Variants in DDR2 observed in about 807,000 individuals in gnomAD.
DDR2 encodes the protein discoidin domain-containing receptor 2.
DDR2 carries 27 observed loss-of-function variants against 94.9 expected under a neutral mutation model. That is an observed-to-expected ratio of 0.28 (90% CI 0.21 to 0.39). DDR2 has a LOEUF of 0.39. Among genes scored for constraint, DDR2 ranks in the 10% least tolerant of loss-of-function variants. DDR2 has a pLI of 1.00. For missense variants in DDR2, 783 were observed against 1,076.0 expected (o/e 0.73, Z 3.81); for synonymous variants, 382 against 377.2 (o/e 1.01, Z -0.15).
Position 162,780,418 on chromosome 1 carries a change from C to T in DDR2, c.*172C>T, listed in dbSNP as rs1972086. On this transcript the variant is annotated 3_prime_UTR_variant, in exon 18 of 18. Coordinates refer to ENST00000367921, the MANE Select transcript of DDR2 (RefSeq NM_006182.4). Reference sequence around the variant, plus strand: ...CCACTCCCTACCCCTGACTCATATACACTTTTTTTTTTTTTTACATTAAAG... The same window carrying T: ...CCACTCCCTACCCCTGACTCATATATACTTTTTTTTTTTTTTACATTAAAG... 0.99 allele frequency: 803,321 copies of T among 813,266 alleles called. 397,387 individuals are homozygous for T. Among genetic ancestry groups the T allele is most frequent in the East Asian group, 1 (36,454 of 36,454 alleles). The allele number at this position is 813,266 out of a possible 1,614,324, so 50.4% of individuals were successfully genotyped here. A position where few individuals can be genotyped will look rare whatever the true frequency, so the allele number is the denominator to read the frequency against.
At position 162,703,657 on chromosome 1, in the gene DDR2, G is replaced by C. The variant is rs115507991; in HGVS notation, c.-27-15380G>C. ...GGAAGGCACTGTGTTAGGTGTTAGA[G>C]ATAAAGAGAGATACTATCTTCACCT... On this transcript the variant is annotated intron_variant, in intron 2 of 17. Coordinates refer to ENST00000367921, the MANE Select transcript of DDR2 (RefSeq NM_006182.4). Among the ~76,000 whole-genome samples, 585 of 152,326 alleles carry C rather than the reference G, an allele frequency of 3.8e-3. 1 individual carries two copies. Among genetic ancestry groups the C allele is most frequent in the African/African-American group, 0.013 (560 of 41,570 alleles).
chr1:162,683,038 A>AT (rs1321647742), intron 2 of DDR2, among the ~76,000 whole-genome samples: 1 of 152,214 alleles, frequency 6.6e-6, no homozygotes, highest in African/African-American at 2.4e-5. Flanking sequence ...AGAATTACAC[A>AT]TCATATCAAA....
intron 2 of DDR2, among the ~76,000 whole-genome samples, chr1:162,705,445 AT>A (rs750153933): frequency 8.4e-4 from 128 of 152,200 alleles, no homozygotes; most frequent in Non-Finnish European, 1.6e-3. Flanking sequence ...TTGTTTTGTG[AT>A]ATTTAAAGCA....
intron 1 of DDR2, among the ~76,000 whole-genome samples, 186 bp downstream of exon 1, chr1:162,632,817 G>A (rs1333333919): frequency 1.3e-5 from 2 of 152,086 alleles, no homozygotes; most frequent in African/African-American, 4.8e-5. Flanking sequence ...TGTTTTTGGG[G>A]GTCTGGATTT....
chr1:162,710,947 T>C (rs1660881409), intron 2 of DDR2, among the ~76,000 whole-genome samples: 1 of 152,204 alleles, frequency 6.6e-6, no homozygotes, highest in Admixed American at 6.5e-5. Context: ...ATGATTTTCC[T>C]GGAGGGCCAG....
intron 2 of DDR2, among the ~76,000 whole-genome samples, chr1:162,694,328 G>A (rs369445918): frequency 7.9e-5 from 12 of 152,050 alleles, no homozygotes; most frequent in South Asian, 2.1e-4. Flanking sequence ...CGTACACTCC[G>A]TGCTTGAGCC....
intron 7 of DDR2, among the ~76,000 whole-genome samples, chr1:162,757,828 A>G (rs1022791726): frequency 6.6e-6 from 1 of 152,172 alleles, no homozygotes; most frequent in African/African-American, 2.4e-5. Flanking sequence ...GGAATGAGGA[A>G]AAGATATTCA....
In DDR2 at chr1:162,674,428, T is replaced by C. The variant is rs148211123; in HGVS notation, c.-28+19054T>C. ...CTAGCACTTAACACAGACCCAGATA[T>C]ATTTGGTACTCAGTAATATACACTG... On this transcript the variant is annotated intron_variant, in intron 2 of 17. Coordinates refer to ENST00000367921, the MANE Select transcript of DDR2 (RefSeq NM_006182.4). 1.6e-3 allele frequency among the ~76,000 whole-genome samples: 239 copies of C among 152,310 alleles called. 1 individual carries two copies. Among genetic ancestry groups the C allele is most frequent in the African/African-American group, 5.7e-3 (236 of 41,556 alleles).
intron 3 of DDR2, among the ~76,000 whole-genome samples, chr1:162,729,164 G>T (rs1419838520): frequency 6.6e-6 from 1 of 150,776 alleles, no homozygotes; most frequent in South Asian, 2.1e-4. Context: ...GTCCCTTGTG[G>T]TCCCCAAGAC....
At chr1:162,676,689 G>T (rs528837444) in intron 2 of DDR2, among the ~76,000 whole-genome samples, 1 of 152,196 alleles carries the variant, frequency 6.6e-6, no homozygotes, top group East Asian at 1.9e-4. Flanking sequence ...AATACTTTGG[G>T]GGAGCCAGTG....
chr1:162,651,436 C>T (rs1374155984), intron 1 of DDR2, among the ~76,000 whole-genome samples: 1 of 152,204 alleles, frequency 6.6e-6, no homozygotes, highest in Non-Finnish European at 1.5e-5. Context: ...CAAGAGTCAG[C>T]TCAAATAATG....
At chr1:162,748,453 A>T (rs1275130478) in intron 3 of DDR2, among the ~76,000 whole-genome samples, 3 of 152,254 alleles carry the variant, frequency 2.0e-5, no homozygotes, top group Non-Finnish European at 4.4e-5. Context: ...AGAGCTAACT[A>T]TCCTAAATAT....
intron 3 of DDR2, among the ~76,000 whole-genome samples, chr1:162,751,610 G>T (rs751402478): frequency 6.6e-6 from 1 of 152,162 alleles, no homozygotes; most frequent in Non-Finnish European, 1.5e-5. Flanking sequence ...AGATCTAGAA[G>T]TAGAAATACC....
At chr1:162,671,726 G>A (rs12116496) in intron 2 of DDR2, among the ~76,000 whole-genome samples, 8,201 of 152,202 alleles carry the variant, frequency 0.054, 261 homozygotes, top group South Asian at 0.12. Flanking sequence ...ACACCTCCTC[G>A]TGAAAGCCCT....
At chr1:162,657,289 C>T (rs915271689) in intron 2 of DDR2, among the ~76,000 whole-genome samples, 6 of 152,162 alleles carry the variant, frequency 3.9e-5, no homozygotes, top group Non-Finnish European at 8.8e-5. Context: ...CACCTTGGCT[C>T]CTCCAGGAAG....
chr1:162,784,531 A>T lies in DDR2; in HGVS notation c.*4285A>T, dbSNP rs980696131. 3.9e-5 allele frequency: 6 copies of T among 152,644 alleles called. No individual in the cohort carries two copies. In the Admixed American group the frequency reaches 3.9e-4, roughly 10 times the overall value. 9.5% of individuals were successfully genotyped at this position (152,644 alleles called of 1,614,324 possible). The stretch of plus-strand genomic sequence containing the variant: ...AGAAATGTAACATTTTTATAAAAAC[A>T]GATTAATGTGTTTTTCACTTAGTAA... On this transcript the variant is annotated 3_prime_UTR_variant, in exon 18 of 18. Transcript: ENST00000367921.
chr1:162,749,795 C>CA (rs1212061518), intron 3 of DDR2, among the ~76,000 whole-genome samples: 3 of 152,168 alleles, frequency 2.0e-5, no homozygotes, highest in African/African-American at 7.2e-5. Flanking sequence ...CAGCAGACAA[C>CA]AAAAAGCTTA....
intron 3 of DDR2, among the ~76,000 whole-genome samples, chr1:162,750,023 G>C (rs547369506): frequency 1.3e-3 from 195 of 151,984 alleles, no homozygotes; most frequent in Non-Finnish European, 2.2e-3. Context: ...TATGACAAAC[G>C]CACAGCCAAT....
intron 1 of DDR2, among the ~76,000 whole-genome samples, chr1:162,654,471 CA>C (rs1175174981): frequency 6.6e-6 from 1 of 152,052 alleles, no homozygotes; most frequent in African/African-American, 2.4e-5. Context: ...AACAAACAAA[CA>C]AAAAACCAAA....
Sources: allele counts gnomAD v4.1 joint callset (sites outside exome capture counted in the v4.1 genomes callset), GRCh38; gene constraint gnomAD v4.1.1; transcripts MANE v1.5; gene names NCBI Gene and HGNC (gene_info 2026-07-23, HGNC 2026-07-21).